Variants in FBXL7 observed in about 807,000 individuals in gnomAD.
FBXL7 encodes the protein F-box and leucine rich repeat protein 7.
FBXL7 carries 12 observed loss-of-function variants against 38.3 expected under a neutral mutation model. The ratio of observed to expected loss-of-function variants is 0.31; its 90% CI spans 0.20 to 0.51. FBXL7 has a LOEUF of 0.51. Among genes scored for constraint, FBXL7 ranks in the 20% least tolerant of loss-of-function variants. The probability of loss-of-function intolerance (pLI) is 0.98; values close to 1 mark genes in which losing one functional copy is unlikely to be tolerated. For synonymous variants in FBXL7, 297 were observed against 300.9 expected (o/e 0.99, Z 0.13); for missense variants, 567 against 676.4 (o/e 0.84, Z 1.79).
At chr5:15,679,761 T>C (rs1742786793) in intron 2 of FBXL7, among the ~76,000 whole-genome samples, 1 of 152,162 alleles carries the variant, frequency 6.6e-6, no homozygotes, top group Non-Finnish European at 1.5e-5. Context: ...GCCGACTGGC[T>C]CCCTGTTTGT....
At chr5:15,843,312 C>T (rs930505010) in intron 2 of FBXL7, among the ~76,000 whole-genome samples, 6 of 152,186 alleles carry the variant, frequency 3.9e-5, no homozygotes, top group African/African-American at 1.4e-4. Context: ...CCTTTCACCA[C>T]AGCACACACA....
intron 2 of FBXL7, among the ~76,000 whole-genome samples, chr5:15,708,499 C>T (rs1743759535): frequency 1.3e-5 from 2 of 152,192 alleles, no homozygotes; most frequent in Admixed American, 6.5e-5. Context: ...TAACCTCTGG[C>T]ATGCAAGAAG....
chr5:15,648,746 C>G (rs532357760), intron 2 of FBXL7, among the ~76,000 whole-genome samples: 1 of 152,304 alleles, frequency 6.6e-6, no homozygotes, highest in East Asian at 1.9e-4. Context: ...TAGCCTTATG[C>G]CGTGTTGAAG....
chr5:15,874,341 C>T (rs1313320769), intron 2 of FBXL7, among the ~76,000 whole-genome samples: 1 of 152,164 alleles, frequency 6.6e-6, no homozygotes, highest in African/African-American at 2.4e-5. Context: ...GAAGCATTCC[C>T]TTTGAAAACC....
In FBXL7 at chr5:15,667,526, G is replaced by A. The variant is rs541987612; in HGVS notation, c.127+51454G>A. Among the ~76,000 whole-genome samples the A allele has an allele frequency of 2.7e-4, 41 of 152,290 alleles. No individual in the cohort carries two copies. The Middle Eastern group carries it at 0.01, about 38-fold the overall frequency. ...GATCACCCTAAATTTGCACTGTGGA[G>A]TGTAAATTTCATTCAAATACCCGCC... On this transcript the variant is annotated intron_variant, in intron 2 of 3. Transcript: ENST00000504595.
At chr5:15,500,888 C>T (rs1346661634) in intron 1 of FBXL7, among the ~76,000 whole-genome samples, 175 bp downstream of exon 1, 1 of 152,180 alleles carries the variant, frequency 6.6e-6, no homozygotes, top group Non-Finnish European at 1.5e-5. Flanking sequence ...AGGTCAGGCG[C>T]CCCGAGGATG....
intron 2 of FBXL7, among the ~76,000 whole-genome samples, chr5:15,795,541 TA>T (rs1249185763): frequency 6.6e-6 from 1 of 152,192 alleles, no homozygotes; most frequent in African/African-American, 2.4e-5. Context: ...TTTAATGAGG[TA>T]AACTTGCAAA....
chr5:15,821,870 G>A (rs1005037707), intron 2 of FBXL7, among the ~76,000 whole-genome samples: 1 of 152,048 alleles, frequency 6.6e-6, no homozygotes, highest in African/African-American at 2.4e-5. Flanking sequence ...TATCCTTATG[G>A]TGCCTGAATT....
chr5:15,906,513 ATTT>A (rs34465454), intron 2 of FBXL7, among the ~76,000 whole-genome samples: 12 of 134,422 alleles, frequency 8.9e-5, no homozygotes, highest in East Asian at 6.1e-4. Context: ...TCCACAAAAA[ATTT>A]TTTTTTTTTT....
intron 2 of FBXL7, among the ~76,000 whole-genome samples, chr5:15,731,068 T>G (rs753565484): frequency 1.3e-5 from 2 of 152,152 alleles, no homozygotes; most frequent in Non-Finnish European, 2.9e-5. Context: ...TCTAGGCAGT[T>G]TGGACCCCAG....
chr5:15,862,527 A>G (rs1739521375), intron 2 of FBXL7, among the ~76,000 whole-genome samples: 1 of 152,184 alleles, frequency 6.6e-6, no homozygotes, highest in African/African-American at 2.4e-5. Flanking sequence ...TTAGGCAGTC[A>G]TTTTTATTCT....
chr5:15,683,177 A>T (rs1351280500), intron 2 of FBXL7, among the ~76,000 whole-genome samples: 12 of 152,172 alleles, frequency 7.9e-5, no homozygotes, highest in Non-Finnish European at 2.9e-5. Context: ...GTCTCTGGAG[A>T]CCTAAAACTT....
intron 2 of FBXL7, among the ~76,000 whole-genome samples, chr5:15,632,557 G>A (rs530607545): frequency 2.0e-5 from 3 of 152,144 alleles, no homozygotes; most frequent in East Asian, 3.9e-4. Flanking sequence ...TTGTTCTACC[G>A]AAAAGACACT....
intron 2 of FBXL7, among the ~76,000 whole-genome samples, chr5:15,699,901 C>A (rs932510688): frequency 9.9e-5 from 15 of 152,160 alleles, no homozygotes; most frequent in African/African-American, 3.4e-4. Context: ...AGAACTGATG[C>A]AATAATCTCA....
intron 2 of FBXL7, among the ~76,000 whole-genome samples, chr5:15,822,501 C>T (rs930591415): frequency 6.6e-6 from 1 of 152,144 alleles, no homozygotes; most frequent in African/African-American, 2.4e-5. Flanking sequence ...ATTAAGAAGC[C>T]TGGATATTTC....
intron 1 of FBXL7, among the ~76,000 whole-genome samples, chr5:15,509,760 C>T (rs1372941929): frequency 6.6e-6 from 1 of 152,140 alleles, no homozygotes; most frequent in African/African-American, 2.4e-5. Context: ...AAGGTGATTC[C>T]TGTGGGTTCC....
At chr5:15,600,885 T>A (rs1259345928) in intron 1 of FBXL7, among the ~76,000 whole-genome samples, 1 of 152,224 alleles carries the variant, frequency 6.6e-6, no homozygotes, top group Non-Finnish European at 1.5e-5. Context: ...ACTGTCTGTC[T>A]GTCTTTTGCT....
intron 1 of FBXL7, among the ~76,000 whole-genome samples, chr5:15,614,129 T>C: frequency 6.6e-6 from 1 of 152,170 alleles, no homozygotes; most frequent in South Asian, 2.1e-4. Context: ...CATTTACCAC[T>C]GGGAAGAAAA....
intron 1 of FBXL7, among the ~76,000 whole-genome samples, chr5:15,514,116 C>A (rs1736871255): frequency 6.6e-6 from 1 of 152,154 alleles, no homozygotes; most frequent in Non-Finnish European, 1.5e-5. Flanking sequence ...GGAAAAGGAT[C>A]ATTTTTAAAT....
Sources: gnomAD v4.1 joint callset for allele counts (sites outside exome capture counted in the v4.1 genomes callset) on GRCh38, gnomAD v4.1.1 for gene constraint, MANE v1.5 for transcripts, NCBI Gene and HGNC (gene_info 2026-07-23, HGNC 2026-07-21) for gene names.